The following SH3PXD2A variants were observed in gnomAD, a reference collection of about 807,000 sequenced individuals.
SH3PXD2A encodes SH3 and PX domain-containing protein 2A.
Under a neutral mutation model 115.2 loss-of-function variants are expected in SH3PXD2A, and 32 were observed. That is an observed-to-expected ratio of 0.28 (90% CI 0.21 to 0.37). SH3PXD2A has a LOEUF of 0.37. SH3PXD2A is among the 10% of genes least tolerant of loss of function. The pLI, the probability that SH3PXD2A is intolerant of heterozygous loss-of-function variation, is 1.00. For missense variants in SH3PXD2A, 1,328 were observed against 1,498.7 expected (o/e 0.89, Z 1.88); for synonymous variants, 610 against 629.1 (o/e 0.97, Z 0.45).
At chr10:103,609,287 C>T (rs2133924527) in intron 13 of SH3PXD2A, 1 of 152,402 alleles carries the variant, frequency 6.6e-6, no homozygotes, top group South Asian at 2.1e-4. Context: ...GCAGGTGGGA[C>T]TTCTGACAGC....
At chr10:103,687,468 G>A in intron 6 of SH3PXD2A, among the ~76,000 whole-genome samples, 1 of 152,142 alleles carries the variant, frequency 6.6e-6, no homozygotes, top group Non-Finnish European at 1.5e-5. Flanking sequence ...CAGGCAACCT[G>A]ATGCAGTTGT....
At chr10:103,686,907 C>T (rs943581658) in intron 6 of SH3PXD2A, among the ~76,000 whole-genome samples, 6 of 152,036 alleles carry the variant, frequency 3.9e-5, no homozygotes, top group Non-Finnish European at 7.4e-5. Flanking sequence ...CCACCACGTC[C>T]AGCTAATTTT....
intron 3 of SH3PXD2A, among the ~76,000 whole-genome samples, chr10:103,762,715 C>G (rs2134219368): frequency 6.6e-6 from 1 of 152,326 alleles, no homozygotes; most frequent in Admixed American, 6.5e-5. Context: ...TGGATTTTCA[C>G]TTCCAGGGTC....
At chr10:103,847,139 A>G (rs936772006) in intron 1 of SH3PXD2A, among the ~76,000 whole-genome samples, 1 of 152,152 alleles carries the variant, frequency 6.6e-6, no homozygotes, top group African/African-American at 2.4e-5. Flanking sequence ...GGTAGTTTGA[A>G]GCATTGCATT....
At chr10:103,842,492 G>GT (rs1397094309) in intron 1 of SH3PXD2A, among the ~76,000 whole-genome samples, 1 of 151,960 alleles carries the variant, frequency 6.6e-6, no homozygotes, top group Non-Finnish European at 1.5e-5. Flanking sequence ...ATACTAAAAC[G>GT]TATTATTTCT....
chr10:103,655,609 C>T (rs1253681174), intron 8 of SH3PXD2A, among the ~76,000 whole-genome samples: 5 of 151,868 alleles, frequency 3.3e-5, no homozygotes, highest in Non-Finnish European at 1.5e-5. Context: ...CCCATCTCTA[C>T]TGAAAACACA....
chr10:103,661,831 G>C lies in SH3PXD2A; in HGVS notation c.473-717C>G, dbSNP rs1053706986. 14 of 985,050 alleles carry C rather than the reference G, an allele frequency of 1.4e-5. No homozygotes were observed. In the African/African-American group the frequency reaches 1.7e-4, roughly 12 times the overall value. 61.0% of individuals were successfully genotyped at this position (985,050 alleles called of 1,614,324 possible). A position where few individuals can be genotyped will look rare whatever the true frequency, so the allele number is the denominator to read the frequency against. ...AGGAGCCGGGGGTGGAGGCAGGGGA[G>C]GGGGAGGAGGCCTAGACTGTTTACT... On this transcript the variant is annotated intron_variant, in intron 7 of 14. Coordinates refer to ENST00000369774, the MANE Select transcript of SH3PXD2A (RefSeq NM_001394015.1).
intron 3 of SH3PXD2A, among the ~76,000 whole-genome samples, chr10:103,762,537 T>C (rs1480988451): frequency 6.6e-6 from 1 of 152,090 alleles, no homozygotes; most frequent in African/African-American, 2.4e-5. Context: ...CTCTTCAGGG[T>C]GTCTGGGCTC....
chr10:103,704,931 G>A (rs1484456086), intron 5 of SH3PXD2A, among the ~76,000 whole-genome samples: 1 of 152,144 alleles, frequency 6.6e-6, no homozygotes, highest in Non-Finnish European at 1.5e-5. Flanking sequence ...TTCCCTGATT[G>A]GGCTTTTGCA....
intron 8 of SH3PXD2A, among the ~76,000 whole-genome samples, chr10:103,635,865 A>G (rs2036856887): frequency 6.6e-6 from 1 of 152,018 alleles, no homozygotes; most frequent in South Asian, 2.1e-4. Context: ...GTAACAACCC[A>G]CTTTGCAATG....
At chr10:103,612,526 G>A (rs1286199380) in intron 12 of SH3PXD2A, among the ~76,000 whole-genome samples, 1 of 152,208 alleles carries the variant, frequency 6.6e-6, no homozygotes, top group Admixed American at 6.5e-5. Context: ...ATAAGGAAAA[G>A]AAAACATTTC....
At chr10:103,691,230 C>T (rs2037746751) in intron 6 of SH3PXD2A, among the ~76,000 whole-genome samples, 1 of 152,234 alleles carries the variant, frequency 6.6e-6, no homozygotes, top group African/African-American at 2.4e-5. Context: ...GCTACTGCTG[C>T]TGCTGCTGAG....
chr10:103,759,128 G>A (rs1412053758), intron 3 of SH3PXD2A, among the ~76,000 whole-genome samples: 3 of 152,232 alleles, frequency 2.0e-5, no homozygotes, highest in Non-Finnish European at 2.9e-5. Flanking sequence ...AACAAATACC[G>A]GATCTTCTGC....
intron 5 of SH3PXD2A, among the ~76,000 whole-genome samples, chr10:103,723,225 C>T (rs931933401): frequency 2.0e-5 from 3 of 152,184 alleles, no homozygotes; most frequent in African/African-American, 7.2e-5. Context: ...AGTAGCCACC[C>T]CATCTGCCTC....
At chr10:103,792,110 C>T (rs1423065584) in intron 2 of SH3PXD2A, among the ~76,000 whole-genome samples, 3 of 152,220 alleles carry the variant, frequency 2.0e-5, no homozygotes, top group East Asian at 1.9e-4. Flanking sequence ...CCCCAAGAGC[C>T]GATGGAAGCC....
chr10:103,778,236 G>A (rs1408627417), intron 2 of SH3PXD2A, among the ~76,000 whole-genome samples: 1 of 152,214 alleles, frequency 6.6e-6, no homozygotes, highest in African/African-American at 2.4e-5. Context: ...GGGAGGCTGA[G>A]GCAGGAAATG....
intron 2 of SH3PXD2A, among the ~76,000 whole-genome samples, chr10:103,774,341 A>C (rs2134233847): frequency 6.6e-6 from 1 of 152,334 alleles, no homozygotes; most frequent in South Asian, 2.1e-4. Flanking sequence ...ACTAGCGGTT[A>C]AGCTCATCCA....
At position 103,804,344 on chromosome 10, in the gene SH3PXD2A, C is replaced by T. The variant is rs1218758370; in HGVS notation, c.73-2982G>A. ...TTTTTTTTTTTTTTTTTTTTTGAGA[C>T]GGAGTCTGTCTCTGTCGACCAGGTT... On this transcript the variant is annotated intron_variant, in intron 1 of 14. Coordinates refer to ENST00000369774, the MANE Select transcript of SH3PXD2A (RefSeq NM_001394015.1). 6.9e-5 allele frequency among the ~76,000 whole-genome samples: 7 copies of T among 102,180 alleles called. No individual in the cohort carries two copies. In the South Asian group the frequency reaches 1.1e-3, roughly 15 times the overall value. 67.0% of individuals were successfully genotyped at this position (102,180 alleles called of 152,430 possible).
chr10:103,709,134 C>T (rs2038017305), intron 5 of SH3PXD2A, among the ~76,000 whole-genome samples: 1 of 152,118 alleles, frequency 6.6e-6, no homozygotes, highest in Admixed American at 6.6e-5. Flanking sequence ...CCCTGTCCAT[C>T]AGCCAGGCTC....
Sources: allele counts gnomAD v4.1 joint callset (sites outside exome capture counted in the v4.1 genomes callset), GRCh38; gene constraint gnomAD v4.1.1; transcripts MANE v1.5; gene names NCBI Gene and HGNC (gene_info 2026-07-23, HGNC 2026-07-21).